RIN2: variants seen among roughly 807,000 people sequenced by gnomAD.
RIN2 encodes Ras and Rab interactor 2.
In RIN2, 36 loss-of-function variants were observed where a neutral mutation model predicts 78.0. The observed-to-expected ratio is 0.46, with a 90% CI of 0.35 to 0.61. RIN2 has a LOEUF of 0.61. Among genes scored for constraint, RIN2 ranks in the 20% least tolerant of loss-of-function variants. RIN2 has a pLI of 0.00. For missense variants in RIN2, 1,087 were observed against 1,159.7 expected (o/e 0.94, Z 0.91); for synonymous variants, 466 against 466.8 (o/e 1.00, Z 0.02).
chr20:19,847,484 A>T (rs540668563), intron 2 of RIN2, among the ~76,000 whole-genome samples: 3 of 152,324 alleles, frequency 2.0e-5, no homozygotes, highest in African/African-American at 7.2e-5. Context: ...CAGTGGGCTC[A>T]ACAAGAGGGT....
intron 2 of RIN2, among the ~76,000 whole-genome samples, chr20:19,815,891 C>T (rs1020067205): frequency 6.6e-6 from 1 of 152,152 alleles, no homozygotes; most frequent in African/African-American, 2.4e-5. Flanking sequence ...GAAAGCTTCC[C>T]TTTAGGGGTT....
At chr20:19,922,536 A>G (rs1462477552) in intron 3 of RIN2, among the ~76,000 whole-genome samples, 1 of 152,226 alleles carries the variant, frequency 6.6e-6, no homozygotes, top group African/African-American at 2.4e-5. Context: ...AAAAAGGTCC[A>G]TAGCTTTCCA....
chr20:19,879,663 G>GTT (rs1033455322), intron 2 of RIN2, among the ~76,000 whole-genome samples: 189 of 152,334 alleles, frequency 1.2e-3, no homozygotes, highest in African/African-American at 4.4e-3. Context: ...TTCACTGGGA[G>GTT]TTTAGCACGT....
At chr20:19,788,653 G>A (rs1338837294) in intron 1 of RIN2, among the ~76,000 whole-genome samples, 1 of 148,530 alleles carries the variant, frequency 6.7e-6, no homozygotes, top group Non-Finnish European at 1.5e-5. Context: ...TAATATACTA[G>A]TAACAAGTAG....
chr20:19,926,635 C>T (rs1010818418), intron 3 of RIN2, among the ~76,000 whole-genome samples: 4 of 152,006 alleles, frequency 2.6e-5, no homozygotes, highest in Admixed American at 6.6e-5. Flanking sequence ...GATCTGATAC[C>T]GCAGAGCTGA....
intron 1 of RIN2, among the ~76,000 whole-genome samples, chr20:19,762,586 C>G (rs1199720509): frequency 6.6e-6 from 1 of 151,932 alleles, no homozygotes; most frequent in Non-Finnish European, 1.5e-5. Context: ...AAAAATGGAC[C>G]TATCAGATGG....
At chr20:19,759,029 A>G (rs1002322104) in intron 1 of RIN2, among the ~76,000 whole-genome samples, 1 of 152,124 alleles carries the variant, frequency 6.6e-6, no homozygotes, top group African/African-American at 2.4e-5. Flanking sequence ...TCCCACTTTG[A>G]GGCCTCCCCG....
chr20:19,801,294 T>C (rs571466633), intron 2 of RIN2, among the ~76,000 whole-genome samples: 1 of 152,074 alleles, frequency 6.6e-6, no homozygotes, highest in East Asian at 1.9e-4. Context: ...TTTATTTTAT[T>C]TTATTATTAT....
Position 19,847,132 on chromosome 20 carries a change from G to A in RIN2, c.-36-42434G>A, listed in dbSNP as rs73605542. ...TCAACATTGTTTTGTCACTGAATAGGATAATGGCACAGCTGAGTTGCTGAA... is the reference window on the plus strand; with the variant it reads ...TCAACATTGTTTTGTCACTGAATAGAATAATGGCACAGCTGAGTTGCTGAA... On this transcript the variant is annotated intron_variant, in intron 2 of 12. Coordinates refer to ENST00000255006, the MANE Select transcript of RIN2 (RefSeq NM_018993.4). Among the ~76,000 whole-genome samples, 644 of 152,278 alleles carry A rather than the reference G, an allele frequency of 4.2e-3. 5 individuals carry two copies. Among genetic ancestry groups the A allele is most frequent in the Non-Finnish European group, 6.7e-3 (453 of 68,022 alleles).
At chr20:19,971,460 A>G (rs1410548850) in intron 8 of RIN2, among the ~76,000 whole-genome samples, 3 of 152,028 alleles carry the variant, frequency 2.0e-5, no homozygotes, top group Non-Finnish European at 4.4e-5. Flanking sequence ...CAACTCACCC[A>G]CTTTAACGTC....
intron 3 of RIN2, among the ~76,000 whole-genome samples, chr20:19,930,322 A>G (rs1467494339): frequency 1.3e-5 from 2 of 152,212 alleles, no homozygotes; most frequent in Admixed American, 6.5e-5. Flanking sequence ...CCGCTAAGTG[A>G]CAGCCACAGA....
At chr20:19,956,894 T>C in intron 5 of RIN2, 87 bp downstream of exon 5, 2 of 1,202,816 alleles carry the variant, frequency 1.7e-6, no homozygotes, top group Non-Finnish European at 2.3e-6. Context: ...GTTCCAGAAA[T>C]TTCTTCCTAG....
rs1555818733 is a variant in RIN2 at position 19,788,439 on chromosome 20, A to AAAAAAAAAAAAC, written c.-162-11173_-162-11172insACAAAAAAAAAA. 9.3e-3 allele frequency among the ~76,000 whole-genome samples: 1,236 copies of AAAAAAAAAAAAC among 132,996 alleles called. 45 individuals are homozygous for AAAAAAAAAAAAC. Among genetic ancestry groups the AAAAAAAAAAAAC allele is most frequent in the African/African-American group, 0.036 (1,111 of 30,574 alleles). The allele number at this position is 132,996 out of a possible 152,430, so 87.3% of individuals were successfully genotyped here. A position where few individuals can be genotyped will look rare whatever the true frequency, so the allele number is the denominator to read the frequency against. ...GCGAAATCCTGTCTCTGCCAAAAAA[A>AAAAAAAAAAAAC]AAAAAAAAAACAACTAGCTAGGCAT... On this transcript the variant is annotated intron_variant, in intron 1 of 12. Transcript: ENST00000255006.
chr20:19,970,732 G>A, intron 7 of RIN2, 106 bp from the exon 8 acceptor site: 1 of 871,366 alleles, frequency 1.1e-6, no homozygotes, highest in East Asian at 2.6e-5. Flanking sequence ...TGTCTACTTA[G>A]GACATTTTAA....
intron 2 of RIN2, among the ~76,000 whole-genome samples, chr20:19,812,241 A>C (rs908766414): frequency 6.6e-6 from 1 of 152,182 alleles, no homozygotes; most frequent in Non-Finnish European, 1.5e-5. Context: ...TATGAGTGGA[A>C]TTTCTGGGTG....
intron 1 of RIN2, among the ~76,000 whole-genome samples, chr20:19,767,150 T>C (rs2033920387): frequency 6.6e-6 from 1 of 152,214 alleles, no homozygotes; most frequent in Admixed American, 6.5e-5. Context: ...ATTGTGTTTA[T>C]GTTTAGGTTC....
chr20:19,924,900 C>G (rs1019152297), intron 3 of RIN2, among the ~76,000 whole-genome samples: 1 of 149,328 alleles, frequency 6.7e-6, no homozygotes, highest in Non-Finnish European at 1.5e-5. Context: ...CCACCATGCC[C>G]AGCTAATTTT....
chr20:19,775,176 A>G (rs1273240375), intron 1 of RIN2, among the ~76,000 whole-genome samples: 5 of 152,238 alleles, frequency 3.3e-5, no homozygotes, highest in African/African-American at 4.8e-5. Flanking sequence ...AGCAGTTTTC[A>G]GAATATAGAA....
intron 2 of RIN2, among the ~76,000 whole-genome samples, chr20:19,875,121 A>G (rs1389803202): frequency 6.6e-6 from 1 of 151,796 alleles, no homozygotes; most frequent in Non-Finnish European, 1.5e-5. Flanking sequence ...TCGGTCCCCC[A>G]AAGAGCTGGG....
Sources: allele counts gnomAD v4.1 joint callset (sites outside exome capture counted in the v4.1 genomes callset), GRCh38; gene constraint gnomAD v4.1.1; transcripts MANE v1.5; gene names NCBI Gene and HGNC (gene_info 2026-07-23, HGNC 2026-07-21).